Variants in PITPNC1 observed in about 807,000 individuals in gnomAD.
PITPNC1 encodes the protein phosphatidylinositol transfer protein cytoplasmic 1.
PITPNC1 carries 18 observed loss-of-function variants against 44.7 expected under a neutral mutation model. The observed-to-expected ratio is 0.40, with a 90% CI of 0.28 to 0.60. PITPNC1 has a LOEUF of 0.60. Ranked by LOEUF, PITPNC1 falls within the 20% of genes least tolerant of loss-of-function variation. The pLI is 0.39. For missense variants in PITPNC1, 290 were observed against 418.4 expected, an observed-to-expected ratio of 0.69 and a Z score of 2.68; for synonymous variants, 141 against 149.6, an observed-to-expected ratio of 0.94 and a Z score of 0.42.
At chr17:67,684,012 G>A (rs1312838937) in intron 8 of PITPNC1, among the ~76,000 whole-genome samples, 1 of 149,292 alleles carries the variant, frequency 6.7e-6, no homozygotes, top group African/African-American at 2.5e-5. Context: ...AAGAAACAGG[G>A]GATTATGTTT....
At chr17:67,504,629 CT>C (rs1274626954) in intron 1 of PITPNC1, among the ~76,000 whole-genome samples, 1 of 152,040 alleles carries the variant, frequency 6.6e-6, no homozygotes, top group Non-Finnish European at 1.5e-5. Flanking sequence ...TTCAGTCAGT[CT>C]TCTTTCTTTT....
In PITPNC1 at chr17:67,502,377, C is replaced by T. The variant is rs1236343891; in HGVS notation, c.49-30425C>T. On this transcript the variant is annotated intron_variant, in intron 1 of 8. Coordinates refer to ENST00000581322, the MANE Select transcript of PITPNC1 (RefSeq NM_012417.4). ...CAGGAAATGGATTGAAATTGTAATG[C>T]AGATTTGGTTTAGATGTATGCAAGT... Among the ~76,000 whole-genome samples, 5 of 151,796 alleles carry T rather than the reference C, an allele frequency of 3.3e-5. No individual in the cohort carries two copies. In the East Asian group the frequency reaches 9.7e-4, roughly 29 times the overall value.
intron 1 of PITPNC1, among the ~76,000 whole-genome samples, chr17:67,420,585 C>T (rs992416954): frequency 6.6e-5 from 10 of 152,042 alleles, no homozygotes; most frequent in African/African-American, 1.9e-4. Context: ...TCATCCACCA[C>T]CACGCCTGGC....
At chr17:67,482,219 AACTTG>A (rs1402693639) in intron 1 of PITPNC1, among the ~76,000 whole-genome samples, 3 of 152,230 alleles carry the variant, frequency 2.0e-5, no homozygotes, top group Non-Finnish European at 2.9e-5. Flanking sequence ...ACTTAAAGGA[AACTTG>A]ACTTGATAAT....
intron 1 of PITPNC1, among the ~76,000 whole-genome samples, chr17:67,480,119 G>T (rs147659759): frequency 6.6e-6 from 1 of 152,124 alleles, no homozygotes; most frequent in South Asian, 2.1e-4. Context: ...GTCTAGGAGC[G>T]GGGGTCTGCC....
intron 1 of PITPNC1, among the ~76,000 whole-genome samples, chr17:67,450,684 C>A (rs1365435153): frequency 6.6e-6 from 1 of 152,182 alleles, no homozygotes; most frequent in Non-Finnish European, 1.5e-5. Flanking sequence ...GCATCAGACT[C>A]CCAGAGTGCT....
chr17:67,574,960 A>G (rs1322852244), intron 4 of PITPNC1, among the ~76,000 whole-genome samples: 6 of 152,066 alleles, frequency 3.9e-5, no homozygotes, highest in Non-Finnish European at 7.4e-5. Context: ...AAATAACAAC[A>G]TCTGCTAATT....
chr17:67,426,211 G>C (rs572947414), intron 1 of PITPNC1, among the ~76,000 whole-genome samples: 1 of 152,264 alleles, frequency 6.6e-6, no homozygotes, highest in South Asian at 2.1e-4. Flanking sequence ...GATTCCTCAA[G>C]ACTCTAGAAC....
At chr17:67,642,955 A>G (rs1437515290) in intron 6 of PITPNC1, among the ~76,000 whole-genome samples, 2 of 152,120 alleles carry the variant, frequency 1.3e-5, no homozygotes, top group Admixed American at 6.5e-5. Flanking sequence ...AATCCTACCA[A>G]TTGAATTTGG....
intron 6 of PITPNC1, among the ~76,000 whole-genome samples, chr17:67,637,493 G>C (rs938526197): frequency 2.0e-5 from 3 of 152,104 alleles, no homozygotes; most frequent in Admixed American, 2.0e-4. Context: ...CTCAGCTACT[G>C]TTGCACACAC....
intron 4 of PITPNC1, among the ~76,000 whole-genome samples, chr17:67,554,247 T>A (rs2040804795): frequency 7.1e-6 from 1 of 140,394 alleles, no homozygotes; most frequent in Admixed American, 8.4e-5. Context: ...AAGAAAATAG[T>A]TTATGATTTT....
chr17:67,483,531 T>C (rs574111266), intron 1 of PITPNC1, among the ~76,000 whole-genome samples: 17 of 152,346 alleles, frequency 1.1e-4, no homozygotes, highest in Admixed American at 4.6e-4. Context: ...TTACCCTTCT[T>C]TGATCAACAT....
At chr17:67,622,269 A>G (rs1258213256) in intron 5 of PITPNC1, among the ~76,000 whole-genome samples, 9 of 151,168 alleles carry the variant, frequency 6.0e-5, no homozygotes, top group East Asian at 1.9e-4. Flanking sequence ...AAAAAAAAAA[A>G]AAAAGAAAAG....
chr17:67,436,846 G>A (rs1598660779), intron 1 of PITPNC1, among the ~76,000 whole-genome samples: 1 of 146,982 alleles, frequency 6.8e-6, no homozygotes, highest in Admixed American at 6.9e-5. Flanking sequence ...GTTGAATAGT[G>A]TCCCCTCAAA....
At chr17:67,416,723 G>T (rs2038594921) in intron 1 of PITPNC1, among the ~76,000 whole-genome samples, 1 of 152,124 alleles carries the variant, frequency 6.6e-6, no homozygotes, top group Non-Finnish European at 1.5e-5. Flanking sequence ...ATGCAACTTG[G>T]CACCTATGTC....
chr17:67,406,227 T>C (rs1376372144), intron 1 of PITPNC1, among the ~76,000 whole-genome samples: 91 of 152,092 alleles, frequency 6.0e-4, no homozygotes, highest in Non-Finnish European at 1.8e-4. Context: ...ACTACAGCCT[T>C]GAACTCCTGG....
At chr17:67,599,709 A>G (rs1033426423) in intron 5 of PITPNC1, among the ~76,000 whole-genome samples, 1 of 152,196 alleles carries the variant, frequency 6.6e-6, no homozygotes, top group Non-Finnish European at 1.5e-5. Flanking sequence ...TGGTGGAGTT[A>G]GAAGCCAGCT....
intron 8 of PITPNC1, among the ~76,000 whole-genome samples, chr17:67,677,448 A>G (rs76357466): frequency 0.058 from 8,782 of 152,138 alleles, 302 homozygotes; most frequent in Middle Eastern, 0.099. Context: ...GTTTGATTAG[A>G]GGCAGGATAT....
At chr17:67,644,985 G>A (rs536047601) in intron 6 of PITPNC1, among the ~76,000 whole-genome samples, 42 of 152,216 alleles carry the variant, frequency 2.8e-4, no homozygotes, top group South Asian at 1.0e-3. Context: ...AATGCACCAG[G>A]TTTGGGAAAA....
Sources: gnomAD v4.1 joint callset for allele counts (sites outside exome capture counted in the v4.1 genomes callset) on GRCh38, gnomAD v4.1.1 for gene constraint, MANE v1.5 for transcripts, NCBI Gene and HGNC (gene_info 2026-07-23, HGNC 2026-07-21) for gene names.